The following KRT86 variants were observed in gnomAD, a reference collection of about 807,000 sequenced individuals.
The protein encoded by KRT86 is keratin, type II cuticular Hb6.
KRT86 carries 30 observed loss-of-function variants against 41.2 expected under a neutral mutation model. The observed-to-expected ratio is 0.73, with a 90% CI of 0.54 to 0.99. The LOEUF (loss-of-function observed/expected upper bound fraction) is 0.99. KRT86 is among the 50% of genes least tolerant of loss of function. The pLI is 0.00. For missense variants in KRT86, 561 were observed against 571.4 expected (o/e 0.98, Z 0.19); for synonymous variants, 238 against 238.1 (o/e 1.00, Z 0.00).
At chr12:52,284,766 T>C (rs1937872074) in intron 2 of KRT86, among the ~76,000 whole-genome samples, 1 of 152,182 alleles carries the variant, frequency 6.6e-6, no homozygotes. Flanking sequence ...GGACTGGAAG[T>C]TTAGAGATTC....
rs1592439712 is a variant in KRT86 at position 52,305,739 on chromosome 12, A to T, written c.977A>T (p.Asn326Ile). 1 of 1,614,060 alleles carries T rather than the reference A, an allele frequency of 6.2e-7. No individual in the cohort carries two copies. Among genetic ancestry groups the T allele is most frequent in the East Asian group, 2.2e-5 (1 of 44,882 alleles). Residue 326 changes from asparagine (N) to isoleucine (I), a missense_variant, in exon 8 of 11, where the codon AAC (asparagine) becomes ATC (isoleucine). Asn to Ile is a moderately radical substitution (Grantham distance 149). Around this residue, in one of 3 missense-constraint regions of KRT86, gnomAD observed 397 missense variants for 375.9 expected, o/e 1.06. Transcript: ENST00000423955. ...ACCAAGGAGGAGATCAACGAGCTGA[A>T]CCGCATGATCCAGAGGCTGACGGCT... is the stretch of plus-strand genomic sequence containing the variant. ...RRTKEEINEL[N>I]RMIQRLTAEV...
intron 2 of KRT86, among the ~76,000 whole-genome samples, chr12:52,296,890 A>G: frequency 6.6e-6 from 1 of 152,226 alleles, no homozygotes. Context: ...CCAGATGTAG[A>G]GCCTACAGGC....
chr12:52,278,422 G>C (rs917231497), intron 2 of KRT86, among the ~76,000 whole-genome samples: 1 of 147,526 alleles, frequency 6.8e-6, no homozygotes, highest in Middle Eastern at 3.4e-3. Flanking sequence ...GATCAAGTCA[G>C]GCCAAAGAAA....
Position 52,305,360 on chromosome 12 carries a change from G to A in KRT86, c.856G>A (p.Val286Ile), listed in dbSNP as rs780785303. 2.5e-6 allele frequency: 4 copies of A among 1,614,238 alleles called. No individual in the cohort carries two copies. The highest frequency in any genetic ancestry group is 4.5e-5 in the East Asian group (2 of 44,876). ...AEIKAQYDDI[V>I]TRSRAEAESW... ...GATCAAGGCACAGTACGATGACATTGTCACCCGTAGCCGGGCTGAGGCCGA... is the reference window on the plus strand; with the variant it reads ...GATCAAGGCACAGTACGATGACATTATCACCCGTAGCCGGGCTGAGGCCGA... The change falls in exon 7 of 11, where the codon GTC (valine) becomes ATC (isoleucine). Residue 286 changes from valine (V) to isoleucine (I), a missense_variant. Physicochemically the swap from Val to Ile is conservative, Grantham distance 29. Coordinates refer to ENST00000423955, the MANE Select transcript of KRT86 (RefSeq NM_001320198.2).
rs774470730 is a variant in KRT86, at chr12:52,305,727, T to A, written c.965T>A (p.Ile322Asn). ...ACCCTGCGCCGCACCAAGGAGGAGA[T>A]CAACGAGCTGAACCGCATGATCCAG... ...GETLRRTKEE[I>N]NELNRMIQRL... The change falls in exon 8 of 11, where the codon ATC becomes AAC. Residue 322 changes from isoleucine to asparagine, a missense_variant. Around this residue, in one of 3 missense-constraint regions of KRT86, gnomAD observed 397 missense variants for 375.9 expected, o/e 1.06. Coordinates refer to ENST00000423955, the MANE Select transcript of KRT86 (RefSeq NM_001320198.2). 1.7e-5 allele frequency: 27 copies of A among 1,613,880 alleles called. No homozygotes were observed. In the South Asian group the frequency reaches 2.7e-4, roughly 16 times the overall value.
At chr12:52,277,921 A>C (rs536375257) in intron 2 of KRT86, among the ~76,000 whole-genome samples, 1 of 152,336 alleles carries the variant, frequency 6.6e-6, no homozygotes, top group South Asian at 2.1e-4. Flanking sequence ...GCTGATGTGT[A>C]CTTTTGGCAC....
intron 9 of KRT86, among the ~76,000 whole-genome samples, chr12:52,307,599 G>A (rs1435930861): frequency 6.6e-6 from 1 of 152,222 alleles, no homozygotes; most frequent in African/African-American, 2.4e-5. Flanking sequence ...CTTGTCATTG[G>A]ATATGTCCTC....
At chr12:52,306,479 G>A (rs1486201525) in intron 9 of KRT86, 199 bp downstream of exon 9, 1 of 771,744 alleles carries the variant, frequency 1.3e-6, no homozygotes, top group Non-Finnish European at 2.0e-6. Context: ...ATCTGAGATT[G>A]CAGTCTTGTT....
Position 52,286,392 on chromosome 12 carries a change from C to CG in KRT86, c.-5+10447dup, listed in dbSNP as rs144562891. ...GCACACAGGCCGGTGCTCACCGCCACGTTCCCGTTGCACGGAGCGCTGCAG... is the reference window on the plus strand; with the variant it reads ...GCACACAGGCCGGTGCTCACCGCCACGGTTCCCGTTGCACGGAGCGCTGCAG... On this transcript the variant is annotated intron_variant, in intron 2 of 10. Transcript: ENST00000423955. 1.9e-5 allele frequency: 30 copies of CG among 1,555,348 alleles called. No individual in the cohort carries two copies. In the East Asian group the frequency reaches 7.2e-4, roughly 38 times the overall value.
intron 2 of KRT86, among the ~76,000 whole-genome samples, chr12:52,280,726 C>T (rs1216135198): frequency 2.0e-5 from 3 of 152,234 alleles, no homozygotes; most frequent in Admixed American, 6.5e-5. Context: ...TGCCAACACT[C>T]GCAAATGCAA....
At chr12:52,296,378 A>G (rs1419668972) in intron 2 of KRT86, among the ~76,000 whole-genome samples, 1 of 152,118 alleles carries the variant, frequency 6.6e-6, no homozygotes, top group Non-Finnish European at 1.5e-5. Context: ...ACCAAGGGAA[A>G]GTGTGTGTAG....
chr12:52,308,072 A>G, intron 9 of KRT86, 161 bp from the exon 10 acceptor site: 1 of 837,952 alleles, frequency 1.2e-6, no homozygotes, highest in Non-Finnish European at 1.8e-6. Context: ...CCAGACCCTC[A>G]CGGTGACCCG....
chr12:52,299,423 C>A (rs772768663), intron 2 of KRT86, among the ~76,000 whole-genome samples: 2 of 152,174 alleles, frequency 1.3e-5, no homozygotes, highest in Non-Finnish European at 2.9e-5. Context: ...GCAGACATCT[C>A]TTTGATATAA....
intron 5 of KRT86, among the ~76,000 whole-genome samples, chr12:52,304,381 G>A (rs1938450439): frequency 7.7e-6 from 1 of 129,118 alleles, no homozygotes; most frequent in Admixed American, 8.1e-5. Context: ...CACCTACCTT[G>A]GGCAAGGGGA....
At chr12:52,281,241 A>T (rs17126563) in intron 2 of KRT86, among the ~76,000 whole-genome samples, 1 of 152,158 alleles carries the variant, frequency 6.6e-6, no homozygotes, top group East Asian at 1.9e-4. Context: ...CAGTTCAGTC[A>T]TTGCTTCTCA....
chr12:52,279,329 A>C (rs1031293647), intron 2 of KRT86, among the ~76,000 whole-genome samples: 6 of 152,282 alleles, frequency 3.9e-5, no homozygotes, highest in Admixed American at 3.3e-4. Flanking sequence ...CTGACCCCAC[A>C]TCATCTTTCC....
Position 52,306,559 on chromosome 12 carries a change from G to A in KRT86, c.1247+279G>A, listed in dbSNP as rs183851005. The A allele has an allele frequency of 4.9e-4, 278 of 571,648 alleles. 4 individuals carry two copies. In the East Asian group the frequency reaches 7.8e-3, roughly 16 times the overall value. 35.4% of individuals were successfully genotyped at this position (571,648 alleles called of 1,614,324 possible). A position where few individuals can be genotyped will look rare whatever the true frequency, so the allele number is the denominator to read the frequency against. On this transcript the variant is annotated intron_variant, in intron 9 of 10. Transcript: ENST00000423955. ...ACTGAGAAGCCTAATTAAGGCTTGG[G>A]GTCAGCTTGCCTGGGTAGTGCTTCT...
At chr12:52,277,342 A>G (rs1348557606) in intron 2 of KRT86, among the ~76,000 whole-genome samples, 2 of 151,842 alleles carry the variant, frequency 1.3e-5, no homozygotes, top group Non-Finnish European at 2.9e-5. Flanking sequence ...TGCCATACAG[A>G]CAAACAAACA....
intron 1 of KRT86, among the ~76,000 whole-genome samples, chr12:52,275,363 A>G (rs1942542382): frequency 6.6e-6 from 1 of 152,218 alleles, no homozygotes. Flanking sequence ...ATGGCATTCA[A>G]ATTAAGGACA....
Sources: allele counts gnomAD v4.1 joint callset (sites outside exome capture counted in the v4.1 genomes callset), GRCh38; gene constraint gnomAD v4.1.1; regional missense constraint gnomAD v4.1.1; transcripts MANE v1.5; gene names NCBI Gene and HGNC (gene_info 2026-07-23, HGNC 2026-07-21).